MOB1B: variants seen among roughly 807,000 people sequenced by gnomAD.
MOB1B encodes the protein MOB1 Mps One Binder homolog B.
In MOB1B, 19 loss-of-function variants were observed where a neutral mutation model predicts 24.4. The observed-to-expected ratio is 0.78, with a 90% CI of 0.54 to 1.14. The LOEUF is 1.14. Ranked by LOEUF, MOB1B falls within the 50% of genes most tolerant of loss-of-function variation. The probability of loss-of-function intolerance (pLI) is 0.00; values close to 1 mark genes in which losing one functional copy is unlikely to be tolerated. For missense variants in MOB1B, 243 were observed against 259.6 expected (o/e 0.94, Z 0.44); for synonymous variants, 76 against 82.1 (o/e 0.93, Z 0.40).
intron 1 of MOB1B, among the ~76,000 whole-genome samples, chr4:70,952,653 A>AC (rs1737857578): frequency 6.6e-6 from 1 of 151,362 alleles, no homozygotes; most frequent in Admixed American, 6.6e-5. Context: ...AAAAAAAAAA[A>AC]AAAAAACAAA....
At chr4:70,952,935 CTT>C (rs71211985) in intron 1 of MOB1B, among the ~76,000 whole-genome samples, 48 of 72,298 alleles carry the variant, frequency 6.6e-4, no homozygotes, top group African/African-American at 2.1e-3. Context: ...GTCATTTGGT[CTT>C]TTTTTTTTTT....
chr4:70,909,717 T>G (rs111678876), intron 1 of MOB1B, among the ~76,000 whole-genome samples: 1 of 151,754 alleles, frequency 6.6e-6, no homozygotes, highest in East Asian at 1.9e-4. Flanking sequence ...GGTCCAGAGA[T>G]CCTGTCTTAT....
intron 2 of MOB1B, among the ~76,000 whole-genome samples, chr4:70,960,318 A>G (rs910022212): frequency 6.6e-6 from 1 of 152,222 alleles, no homozygotes; most frequent in Non-Finnish European, 1.5e-5. Flanking sequence ...TAAGCCAGAG[A>G]AAGTTGAGGA....
At chr4:70,928,779 G>A (rs1736758964) in intron 1 of MOB1B, among the ~76,000 whole-genome samples, 4 of 152,008 alleles carry the variant, frequency 2.6e-5, no homozygotes, top group Admixed American at 2.0e-4. Context: ...ATAGACACGG[G>A]GTCTTGCTAT....
chr4:70,918,445 G>A lies in MOB1B; in HGVS notation c.14+15895G>A, dbSNP rs530901686. Among the ~76,000 whole-genome samples the A allele has an allele frequency of 5.3e-5, 8 of 151,832 alleles. No individual in the cohort carries two copies. In the East Asian group the frequency reaches 1.5e-3, roughly 29 times the overall value. On this transcript the variant is annotated intron_variant, in intron 1 of 5. Coordinates refer to ENST00000309395, the MANE Select transcript of MOB1B (RefSeq NM_173468.4). ...TTGCATTTCTCTGATGGCCAGTGAT[G>A]GTGAGCATTTTTTCATGTGTTTTTT...
intron 1 of MOB1B, among the ~76,000 whole-genome samples, chr4:70,948,992 C>T (rs566445339): frequency 5.6e-4 from 86 of 152,260 alleles, no homozygotes; most frequent in African/African-American, 2.0e-3. Flanking sequence ...GGGTCAAGTT[C>T]GCCTATAATC....
Position 70,902,409 on chromosome 4 carries a change from A to T in MOB1B, c.-128A>T. 1 of 998,174 alleles carries T rather than the reference A, an allele frequency of 1.0e-6. No individual in the cohort carries two copies. The highest frequency in any genetic ancestry group is 1.5e-6 in the Non-Finnish European group (1 of 646,448). The allele number at this position is 998,174 out of a possible 1,614,324, so 61.8% of individuals were successfully genotyped here. A position where few individuals can be genotyped will look rare whatever the true frequency, so the allele number is the denominator to read the frequency against. ...GCCGAACTAGTTGCGGCCACCGAGCAGCCGGCTCTCGGCACCTCCTCCTCC... is the reference window on the plus strand; with the variant it reads ...GCCGAACTAGTTGCGGCCACCGAGCTGCCGGCTCTCGGCACCTCCTCCTCC... On this transcript the variant is annotated 5_prime_UTR_variant, in exon 1 of 6. Coordinates refer to ENST00000309395, the MANE Select transcript of MOB1B (RefSeq NM_173468.4).
In MOB1B at chr4:70,902,521, C is replaced by T; in HGVS notation, c.-16C>T. The T allele has an allele frequency of 1.9e-6, 3 of 1,563,608 alleles. No homozygotes were observed. Among genetic ancestry groups the T allele is most frequent in the East Asian group, 2.4e-5 (1 of 42,224 alleles). ...GCCTCGCGACCGCCGAGCCTGCAGC[C>T]TGCCCCGCGGCCAACATGAGCTTCT... On this transcript the variant is annotated 5_prime_UTR_variant, in exon 1 of 6. Transcript: ENST00000309395.
chr4:70,950,680 T>A, intron 1 of MOB1B: 2 of 1,315,976 alleles, frequency 1.5e-6, no homozygotes, highest in East Asian at 2.6e-5. Context: ...ATATTAATCA[T>A]CATTATTATC....
intron 1 of MOB1B, among the ~76,000 whole-genome samples, chr4:70,932,180 T>C (rs1244817625): frequency 6.6e-6 from 1 of 152,160 alleles, no homozygotes. Context: ...TGAATATCGA[T>C]TGTATGCCAA....
At chr4:70,952,629 C>T (rs1267214423) in intron 1 of MOB1B, among the ~76,000 whole-genome samples, 35 of 128,690 alleles carry the variant, frequency 2.7e-4, no homozygotes, top group African/African-American at 9.3e-4. Flanking sequence ...GGCGACAGAG[C>T]GAGACGCCGT....
Position 70,979,132 on chromosome 4 carries a change from C to T in MOB1B, c.414C>T (p.Val138=). ...AGTTGTTTATCTCTTTTCTAGGTGT[C>T]CCGTTCCCAAAGAATTTCATGTCTG... is the stretch of plus-strand genomic sequence containing the variant. ...DETLFPSKIG[V]PFPKNFMSVA... Residue 138 remains valine (V), a synonymous_variant, in exon 5 of 6, where the codon GTC becomes GTT. Transcript: ENST00000309395. The T allele has an allele frequency of 6.2e-7, 1 of 1,613,098 alleles. No individual in the cohort carries two copies. The highest frequency in any genetic ancestry group is 1.3e-5 in the African/African-American group (1 of 74,982).
chr4:70,975,827 C>A, intron 4 of MOB1B: 20 of 901,968 alleles, frequency 2.2e-5, no homozygotes, highest in Non-Finnish European at 2.7e-5. Context: ...TACAGGTGTT[C>A]TATGTTTTTC....
intron 1 of MOB1B, among the ~76,000 whole-genome samples, chr4:70,955,688 C>A (rs925587512): frequency 2.0e-5 from 3 of 151,770 alleles, no homozygotes; most frequent in African/African-American, 7.3e-5. Context: ...CCAGACTGTT[C>A]TTGAACTCCC....
intron 1 of MOB1B, among the ~76,000 whole-genome samples, chr4:70,919,632 A>G (rs927966929): frequency 1.7e-4 from 26 of 152,072 alleles, no homozygotes; most frequent in Admixed American, 6.6e-5. Flanking sequence ...CCAGGTAGCC[A>G]GGACTACAGG....
intron 4 of MOB1B, 28 bp from the exon 5 acceptor site, chr4:70,979,100 T>A: frequency 6.3e-7 from 1 of 1,591,804 alleles, no homozygotes; most frequent in Non-Finnish European, 8.6e-7. Context: ...CTCTTGTTAC[T>A]AGAGGGAGTT....
intron 1 of MOB1B, among the ~76,000 whole-genome samples, chr4:70,955,493 C>T (rs538292464): frequency 1.7e-4 from 18 of 104,004 alleles, no homozygotes; most frequent in Admixed American, 7.8e-4. Flanking sequence ...TTTTGGGAGA[C>T]GATGTCTTGC....
At chr4:70,956,946 A>G (rs906644568) in intron 1 of MOB1B, among the ~76,000 whole-genome samples, 3 of 152,120 alleles carry the variant, frequency 2.0e-5, no homozygotes, top group Non-Finnish European at 4.4e-5. Flanking sequence ...ACTTTTTGAC[A>G]GCTCCTCAGA....
At position 70,984,009 on chromosome 4, in the gene MOB1B, C is replaced by T. The variant is rs1283838370; in HGVS notation, c.*1952C>T. 3.3e-5 allele frequency: 5 copies of T among 152,504 alleles called. No individual in the cohort carries two copies. The highest frequency in any genetic ancestry group is 6.6e-5 in the Admixed American group (1 of 15,246). The allele number at this position is 152,504 out of a possible 1,614,324, so 9.4% of individuals were successfully genotyped here. On this transcript the variant is annotated 3_prime_UTR_variant, in exon 6 of 6. Transcript: ENST00000309395. ...TAGGAAAATGAAGCACAGAATTACTCAGTCTTCCATATTGTATTTGACTTC... is the reference window on the plus strand; with the variant it reads ...TAGGAAAATGAAGCACAGAATTACTTAGTCTTCCATATTGTATTTGACTTC...
Sources: gnomAD v4.1 joint callset for allele counts (sites outside exome capture counted in the v4.1 genomes callset) on GRCh38, gnomAD v4.1.1 for gene constraint, MANE v1.5 for transcripts, NCBI Gene and HGNC (gene_info 2026-07-23, HGNC 2026-07-21) for gene names.